The following GPRC5A variants were observed in gnomAD, a reference collection of about 807,000 sequenced individuals.
GPRC5A encodes the protein retinoic acid-induced protein 3.
In GPRC5A, 19 loss-of-function variants were observed where a neutral mutation model predicts 22.5. The observed-to-expected ratio is 0.85, with a 90% CI of 0.59 to 1.24. The LOEUF (loss-of-function observed/expected upper bound fraction) is 1.24. GPRC5A is among the 50% of genes most tolerant of loss of function. The probability of loss-of-function intolerance (pLI) is 0.00; values close to 1 mark genes in which losing one functional copy is unlikely to be tolerated. For synonymous variants in GPRC5A, 192 were observed against 184.5 expected (o/e 1.04, Z -0.33); for missense variants, 471 against 451.1 (o/e 1.04, Z -0.40).
chr12:12,912,587 G>T lies in GPRC5A; in HGVS notation c.*48G>T. The T allele has an allele frequency of 8.7e-7, 1 of 1,149,172 alleles. No individual in the cohort carries two copies. The allele number at this position is 1,149,172 out of a possible 1,614,324, so 71.2% of individuals were successfully genotyped here. A position where few individuals can be genotyped will look rare whatever the true frequency, so the allele number is the denominator to read the frequency against. The stretch of plus-strand genomic sequence containing the variant: ...AATGCAGCCGGGCGGCAGATCTAGC[G>T]GGAGCTCAAAGGGATGTGGGCGAAA... On this transcript the variant is annotated 3_prime_UTR_variant, in exon 4 of 4. Coordinates refer to ENST00000014914, the MANE Select transcript of GPRC5A (RefSeq NM_003979.4).
chr12:12,914,594 T>TTCTTTCTTTCTTTCTTTCTCTCTCTC lies in GPRC5A; in HGVS notation c.*2058_*2059insTTCTTTCTTTCTTTCTCTCTCTCTCT, dbSNP rs59721062. Reference sequence around the variant, plus strand: ...TTTCTTTCTTTCTTTCTTTCTTTCTTTCTCTCTCTCTCTCTCTCTCTCTTT... The same window carrying TTCTTTCTTTCTTTCTTTCTCTCTCTC: ...TTTCTTTCTTTCTTTCTTTCTTTCTTTCTTTCTTTCTTTCTTTCTCTCTCTCTCTCTCTCTCTCTCTCTCTCTCTTT... On this transcript the variant is annotated 3_prime_UTR_variant, in exon 4 of 4. Coordinates refer to ENST00000014914, the MANE Select transcript of GPRC5A (RefSeq NM_003979.4). The TTCTTTCTTTCTTTCTTTCTCTCTCTC allele has an allele frequency of 2.8e-4, 23 of 81,572 alleles. No homozygotes were observed. The highest frequency in any genetic ancestry group is 3.2e-4 in the African/African-American group (5 of 15,580). 5.1% of individuals were successfully genotyped at this position (81,572 alleles called of 1,614,324 possible).
rs1863864280 is a variant in GPRC5A at position 12,899,949 on chromosome 12, G to A, written c.-8+8285G>A. ...GGGAAGGACTGCGTAGAATAAGCAT[G>A]GGCAAACTTCCAGGCCTAGTCACAA... On this transcript the variant is annotated intron_variant, in intron 1 of 3. Transcript: ENST00000014914. Among the ~76,000 whole-genome samples, 4 of 152,162 alleles carry A rather than the reference G, an allele frequency of 2.6e-5. No homozygotes were observed. In the South Asian group the frequency reaches 8.3e-4, roughly 32 times the overall value.
At position 12,912,570 on chromosome 12, in the gene GPRC5A, C is replaced by T. The variant is rs879079869; in HGVS notation, c.*31C>T. 13 of 1,328,696 alleles carry T rather than the reference C, an allele frequency of 9.8e-6. No homozygotes were observed. The highest frequency in any genetic ancestry group is 5.9e-5 in the South Asian group (5 of 85,332). 82.3% of individuals were successfully genotyped at this position (1,328,696 alleles called of 1,614,324 possible). A position where few individuals can be genotyped will look rare whatever the true frequency, so the allele number is the denominator to read the frequency against. On this transcript the variant is annotated 3_prime_UTR_variant, in exon 4 of 4. Transcript: ENST00000014914. ...TCCTGAAGAGTGGGACAAATGCAGC[C>T]GGGCGGCAGATCTAGCGGGAGCTCA...
chr12:12,906,313 A>G (rs2136460063), intron 1 of GPRC5A, among the ~76,000 whole-genome samples: 1 of 152,344 alleles, frequency 6.6e-6, no homozygotes, highest in Admixed American at 6.5e-5. Context: ...CTCAACACCT[A>G]TAATCCCAGC....
chr12:12,901,919 G>A lies in GPRC5A; in HGVS notation c.-7-6324G>A, dbSNP rs530824672. Among the ~76,000 whole-genome samples, 9 of 152,216 alleles carry A rather than the reference G, an allele frequency of 5.9e-5. No individual in the cohort carries two copies. In the South Asian group the frequency reaches 6.2e-4, roughly 11 times the overall value. On this transcript the variant is annotated intron_variant, in intron 1 of 3. Transcript: ENST00000014914. ...GGTTACAAATAATATCCAAACCACC[G>A]CTAGTCTCATTCTCTTTTCTCTTTC...
Position 12,917,105 on chromosome 12 carries a change from G to T in GPRC5A, c.*4566G>T, listed in dbSNP as rs1864071665. The T allele has an allele frequency of 6.6e-6, 1 of 152,144 alleles. No homozygotes were observed. The highest frequency in any genetic ancestry group is 2.4e-5 in the African/African-American group (1 of 41,430). The allele number at this position is 152,144 out of a possible 1,614,324, so 9.4% of individuals were successfully genotyped here. On this transcript the variant is annotated 3_prime_UTR_variant, in exon 4 of 4. Coordinates refer to ENST00000014914, the MANE Select transcript of GPRC5A (RefSeq NM_003979.4). The stretch of plus-strand genomic sequence containing the variant: ...CCCAGTTTGTAGATTGCTCTCTTTG[G>T]AAATTCTGTGGCCCAACCTCGTGGC...
chr12:12,898,635 G>C (rs1039105802), intron 1 of GPRC5A, among the ~76,000 whole-genome samples: 4 of 152,140 alleles, frequency 2.6e-5, no homozygotes, highest in Non-Finnish European at 1.5e-5. Flanking sequence ...ATAGCTCCAC[G>C]TGCAGGTCGC....
intron 1 of GPRC5A, among the ~76,000 whole-genome samples, chr12:12,907,184 C>A (rs564062654): frequency 6.6e-6 from 1 of 151,932 alleles, no homozygotes; most frequent in East Asian, 1.9e-4. Context: ...GTAGAAAAAT[C>A]TGCTATTCAG....
intron 1 of GPRC5A, among the ~76,000 whole-genome samples, chr12:12,907,016 T>G (rs1372283333): frequency 1.3e-5 from 2 of 151,162 alleles, no homozygotes; most frequent in African/African-American, 4.9e-5. Flanking sequence ...ATTGTGCCAT[T>G]GCACTCCAGC....
intron 1 of GPRC5A, among the ~76,000 whole-genome samples, chr12:12,899,785 AG>A (rs1416973126): frequency 6.6e-6 from 1 of 152,230 alleles, no homozygotes; most frequent in Non-Finnish European, 1.5e-5. Context: ...TGAAAATGCT[AG>A]AAAGTCACAC....
chr12:12,917,212 CTGTGTGTGTGTGTGTGTGTGTGTG>C lies in GPRC5A; in HGVS notation c.*4690_*4713del, dbSNP rs59601728. 1 of 139,014 alleles carries C rather than the reference CTGTGTGTGTGTGTGTGTGTGTGTG, an allele frequency of 7.2e-6. No homozygotes were observed. The highest frequency in any genetic ancestry group is 1.5e-5 in the Non-Finnish European group (1 of 65,688). 8.6% of individuals were successfully genotyped at this position (139,014 alleles called of 1,614,324 possible). A position where few individuals can be genotyped will look rare whatever the true frequency, so the allele number is the denominator to read the frequency against. On this transcript the variant is annotated 3_prime_UTR_variant, in exon 4 of 4. Transcript: ENST00000014914. ...GGATGTTCCAAGGATGCTGCTGGATCTGTGTGTGTGTGTGTGTGTGTGTGTGTGTGTGTGTGTGTGCGTGCGTGC... is the reference window on the plus strand; with the variant it reads ...GGATGTTCCAAGGATGCTGCTGGATCTGTGTGTGTGTGTGTGCGTGCGTGC...
intron 1 of GPRC5A, among the ~76,000 whole-genome samples, chr12:12,896,494 T>G (rs1174299933): frequency 6.6e-6 from 1 of 152,236 alleles, no homozygotes; most frequent in Non-Finnish European, 1.5e-5. Flanking sequence ...GAGGGATTTC[T>G]GTAGGACTTC....
chr12:12,908,738 T>C lies in GPRC5A; in HGVS notation c.489T>C (p.Asn163=). Residue 163 remains asparagine, a synonymous_variant, in exon 2 of 4, where the codon AAT becomes AAC. Coordinates refer to ENST00000014914, the MANE Select transcript of GPRC5A (RefSeq NM_003979.4). ...TGACCATGAATAGGACCAACGTCAA[T>C]GTCTTTTCTGAGCTTTCCGCTCCTC... The part of the protein sequence containing the change: ...IVLTMNRTNV[N]VFSELSAPRR... 3 of 1,614,210 alleles carry C rather than the reference T, an allele frequency of 1.9e-6. No homozygotes were observed. The highest frequency in any genetic ancestry group is 2.5e-6 in the Non-Finnish European group (3 of 1,180,028).
At chr12:12,896,251 T>G (rs1400947620) in intron 1 of GPRC5A, among the ~76,000 whole-genome samples, 1 of 152,176 alleles carries the variant, frequency 6.6e-6, no homozygotes, top group Non-Finnish European at 1.5e-5. Flanking sequence ...GAAATTGGGA[T>G]GAACACCGTG....
chr12:12,902,859 G>T (rs767863778), intron 1 of GPRC5A, among the ~76,000 whole-genome samples: 2 of 152,162 alleles, frequency 1.3e-5, no homozygotes, highest in Non-Finnish European at 2.9e-5. Context: ...GCTGAGGTCG[G>T]GTATTTGAGA....
chr12:12,891,895 A>G (rs1863762963), intron 1 of GPRC5A: 1 of 149,660 alleles, frequency 6.7e-6, no homozygotes, highest in African/African-American at 2.5e-5. Context: ...AGAGGCAGAG[A>G]GCAAAGAGAT....
rs552174550 is a variant in GPRC5A, at chr12:12,917,448, G to T, written c.*4909G>T. On this transcript the variant is annotated 3_prime_UTR_variant, in exon 4 of 4. Transcript: ENST00000014914. The stretch of plus-strand genomic sequence containing the variant: ...AATGGAGTTAATGCAACTAGATCAG[G>T]GTTTTGGGTCTGTGTTCTTTCTACC... 6.6e-6 allele frequency: 1 copy of T among 151,830 alleles called. No individual in the cohort carries two copies. The highest frequency in any genetic ancestry group is 2.4e-5 in the African/African-American group (1 of 41,306). The allele number at this position is 151,830 out of a possible 1,614,324, so 9.4% of individuals were successfully genotyped here.
rs574984698 is a variant in GPRC5A at position 12,916,634 on chromosome 12, C to T, written c.*4095C>T. On this transcript the variant is annotated 3_prime_UTR_variant, in exon 4 of 4. Coordinates refer to ENST00000014914, the MANE Select transcript of GPRC5A (RefSeq NM_003979.4). ...CATCTCCTTTGGCAAAGTTCCTTTGCCCTTTGTCTTATTTTTGTGAAACCC... is the reference window on the plus strand; with the variant it reads ...CATCTCCTTTGGCAAAGTTCCTTTGTCCTTTGTCTTATTTTTGTGAAACCC... 6.6e-6 allele frequency: 1 copy of T among 152,324 alleles called. No homozygotes were observed. The highest frequency in any genetic ancestry group is 1.9e-4 in the East Asian group (1 of 5,180). The allele number at this position is 152,324 out of a possible 1,614,324, so 9.4% of individuals were successfully genotyped here.
intron 1 of GPRC5A, among the ~76,000 whole-genome samples, chr12:12,897,621 T>G (rs1312352717): frequency 6.6e-6 from 1 of 151,368 alleles, no homozygotes; most frequent in Non-Finnish European, 1.5e-5. Flanking sequence ...TTTTTTTTTT[T>G]TTTTTGAGAC....
Sources: gnomAD v4.1 joint callset for allele counts (sites outside exome capture counted in the v4.1 genomes callset) on GRCh38, gnomAD v4.1.1 for gene constraint, MANE v1.5 for transcripts, NCBI Gene and HGNC (gene_info 2026-07-23, HGNC 2026-07-21) for gene names.